SLC16A9: variants seen among roughly 807,000 people sequenced by gnomAD.
SLC16A9 encodes the protein solute carrier family 16 member 9.
Under a neutral mutation model 44.3 loss-of-function variants are expected in SLC16A9, and 26 were observed. The ratio of observed to expected loss-of-function variants is 0.59; its 90% CI spans 0.43 to 0.81. The LOEUF (loss-of-function observed/expected upper bound fraction) is 0.81. Ranked by LOEUF, SLC16A9 falls within the 40% of genes least tolerant of loss-of-function variation. SLC16A9 has a pLI of 0.00. For synonymous variants in SLC16A9, 230 were observed against 225.1 expected (o/e 1.02, Z -0.19); for missense variants, 559 against 595.8 (o/e 0.94, Z 0.64).
intron 1 of SLC16A9, among the ~76,000 whole-genome samples, chr10:59,696,944 C>G (rs1181949746): frequency 2.8e-5 from 4 of 145,022 alleles, no homozygotes; most frequent in African/African-American, 1.0e-4. Flanking sequence ...GGGGGTCAGC[C>G]CCCCGCCCGG....
At chr10:59,674,994 A>G (rs1564702640) in intron 2 of SLC16A9, among the ~76,000 whole-genome samples, 1 of 152,150 alleles carries the variant, frequency 6.6e-6, no homozygotes, top group Non-Finnish European at 1.5e-5. Context: ...ATTTTTTTTG[A>G]AGAACAATTT....
rs1260960895 is a variant in SLC16A9 at position 59,659,789 on chromosome 10, TAACA to T, written c.436+4434_436+4437del. Among the ~76,000 whole-genome samples the T allele has an allele frequency of 3.9e-5, 6 of 152,120 alleles. No homozygotes were observed. The South Asian group carries it at 8.3e-4, about 21-fold the overall frequency. Reference sequence around the variant, plus strand: ...AGCAAATGGAAAAGAACGGAAATCATAACAAACAGTCTCTCAGACCACAGTGCAA... The same window carrying T: ...AGCAAATGGAAAAGAACGGAAATCATAACAGTCTCTCAGACCACAGTGCAA... On this transcript the variant is annotated intron_variant, in intron 4 of 5. Transcript: ENST00000395348.
intron 1 of SLC16A9, among the ~76,000 whole-genome samples, chr10:59,687,353 T>C (rs369453479): frequency 1.2e-4 from 19 of 152,368 alleles, no homozygotes; most frequent in Middle Eastern, 3.4e-3. Context: ...TGGATTTCTT[T>C]TACGAAGTTA....
In SLC16A9 at chr10:59,654,090, A is replaced by G. The variant is rs1839286956; in HGVS notation, c.936T>C (p.Ala312=). The stretch of plus-strand genomic sequence containing the variant: ...ACCCTCCGATGTCAAAGAGTAAGAT[A>G]GCAATGAAAAGGGCTGAAAATACTT... ...KNKVFSALFI[A]ILLFDIGGFP... Residue 312 remains alanine, a synonymous_variant, in exon 5 of 6, where the codon GCT becomes GCC. Coordinates refer to ENST00000395348, the MANE Select transcript of SLC16A9 (RefSeq NM_194298.3). The G allele has an allele frequency of 3.7e-6, 6 of 1,614,178 alleles. No homozygotes were observed. The highest frequency in any genetic ancestry group is 5.1e-6 in the Non-Finnish European group (6 of 1,180,038).
At chr10:59,685,713 T>A (rs900066862) in intron 1 of SLC16A9, among the ~76,000 whole-genome samples, 4 of 152,244 alleles carry the variant, frequency 2.6e-5, no homozygotes, top group African/African-American at 9.6e-5. Context: ...ATCTTTTTGC[T>A]TATAGGCATA....
At chr10:59,658,426 C>A (rs1446919821) in intron 4 of SLC16A9, among the ~76,000 whole-genome samples, 2 of 152,110 alleles carry the variant, frequency 1.3e-5, no homozygotes, top group African/African-American at 4.8e-5. Flanking sequence ...GTACTATTAT[C>A]CCCAGTTTAC....
In SLC16A9 at chr10:59,651,317, A is replaced by G. The variant is rs1839193053; in HGVS notation, c.*1455T>C. The G allele has an allele frequency of 6.6e-6, 1 of 152,236 alleles. No homozygotes were observed. Among genetic ancestry groups the G allele is most frequent in the South Asian group, 2.1e-4 (1 of 4,832 alleles). 9.4% of individuals were successfully genotyped at this position (152,236 alleles called of 1,614,324 possible). Reference sequence around the variant, plus strand: ...ATAAATGAAAAGATGATTTTGGCACAATGGGAAGGGTGCCTCCTATTTAAA... The same window carrying G: ...ATAAATGAAAAGATGATTTTGGCACGATGGGAAGGGTGCCTCCTATTTAAA... On this transcript the variant is annotated 3_prime_UTR_variant, in exon 6 of 6. Transcript: ENST00000395348.
At position 59,664,322 on chromosome 10, in the gene SLC16A9, C is replaced by G; in HGVS notation, c.341G>C (p.Gly114Ala). The part of the protein sequence containing the change: ...FLFFSYGIVV[G>A]LGCGLLYTAT... ...AGTGTATAATAAACCACATCCAAGACCTAAGCATGAGAAGACATTGCATAA... is the reference window on the plus strand; with the variant it reads ...AGTGTATAATAAACCACATCCAAGAGCTAAGCATGAGAAGACATTGCATAA... Residue 114 changes from glycine to alanine, a missense_variant and splice_region_variant, in exon 4 of 6, where the codon GGT becomes GCT. Coordinates refer to ENST00000395348, the MANE Select transcript of SLC16A9 (RefSeq NM_194298.3). 2 of 1,603,744 alleles carry G rather than the reference C, an allele frequency of 1.2e-6. No individual in the cohort carries two copies. Among genetic ancestry groups the G allele is most frequent in the Non-Finnish European group, 1.7e-6 (2 of 1,173,894 alleles).
intron 1 of SLC16A9, among the ~76,000 whole-genome samples, chr10:59,705,141 G>A (rs1264277852): frequency 6.6e-6 from 1 of 151,454 alleles, no homozygotes; most frequent in East Asian, 1.9e-4. Context: ...GTTTCTTTTG[G>A]GTGGGTCATA....
At chr10:59,684,061 A>C (rs749719411) in intron 2 of SLC16A9, 35 bp downstream of exon 2, 1 of 1,543,500 alleles carries the variant, frequency 6.5e-7, no homozygotes, top group Admixed American at 1.8e-5. Context: ...TTAAATGATT[A>C]AAGAGTAAAG....
At chr10:59,672,959 C>A in intron 2 of SLC16A9, 46 bp from the exon 3 acceptor site, 1 of 1,539,848 alleles carries the variant, frequency 6.5e-7, no homozygotes, top group Non-Finnish European at 8.8e-7. Context: ...ATGATCCATC[C>A]ATCATAAGTT....
chr10:59,709,970 G>T (rs1209008734), upstream of SLC16A9: 1 of 151,708 alleles, frequency 6.6e-6, no homozygotes, highest in Non-Finnish European at 1.5e-5. Flanking sequence ...GGCCCGGCCA[G>T]GAGTAGGGAG....
chr10:59,707,336 G>GGGAAGGGAA (rs1564716913), intron 1 of SLC16A9, among the ~76,000 whole-genome samples: 1 of 111,408 alleles, frequency 9.0e-6, no homozygotes, highest in African/African-American at 3.8e-5. Context: ...AGGGAAGGGA[G>GGGAAGGGAA]GGGAAGGGAG....
intron 1 of SLC16A9, among the ~76,000 whole-genome samples, chr10:59,696,854 G>A (rs553100011): frequency 1.3e-5 from 2 of 151,408 alleles, no homozygotes; most frequent in South Asian, 2.1e-4. Context: ...GAAGCGAGGA[G>A]CCCCTCCGCC....
In SLC16A9 at chr10:59,653,991, A is replaced by G. The variant is rs1361135686; in HGVS notation, c.1035T>C (p.Leu345=). The change falls in exon 5 of 6, where the codon CTT becomes CTC. Residue 345 remains leucine (L), a synonymous_variant. Coordinates refer to ENST00000395348, the MANE Select transcript of SLC16A9 (RefSeq NM_194298.3). ...NVKEEEFIMP[L]ISIIGIMTAV... is the part of the protein sequence containing the mutation. ...CTGTCATAATGCCTATAATGGAAAT[A>G]AGTGGCATAATAAACTCTTCTTCTT... 6.2e-7 allele frequency: 1 copy of G among 1,613,924 alleles called. No individual in the cohort carries two copies. The highest frequency in any genetic ancestry group is 1.7e-5 in the Admixed American group (1 of 60,024).
At chr10:59,662,792 G>A (rs892760299) in intron 4 of SLC16A9, among the ~76,000 whole-genome samples, 8 of 152,058 alleles carry the variant, frequency 5.3e-5, no homozygotes, top group Non-Finnish European at 1.2e-4. Context: ...TCATTAAAAA[G>A]TCAGGAAACA....
chr10:59,672,136 C>G (rs1839764339), intron 3 of SLC16A9, among the ~76,000 whole-genome samples: 1 of 152,090 alleles, frequency 6.6e-6, no homozygotes, highest in South Asian at 2.1e-4. Flanking sequence ...ACACTGAACC[C>G]AATTAGTGTA....
At chr10:59,668,666 C>T (rs1232395290) in intron 3 of SLC16A9, among the ~76,000 whole-genome samples, 2 of 152,060 alleles carry the variant, frequency 1.3e-5, no homozygotes, top group Non-Finnish European at 2.9e-5. Flanking sequence ...AATTAAGAGA[C>T]ATAAAAAATG....
chr10:59,657,351 T>G (rs1416178657), intron 4 of SLC16A9, among the ~76,000 whole-genome samples: 1 of 152,170 alleles, frequency 6.6e-6, no homozygotes, highest in Non-Finnish European at 1.5e-5. Flanking sequence ...AAACCTTCAT[T>G]TCATGCCCAC....
Sources: allele counts gnomAD v4.1 joint callset (sites outside exome capture counted in the v4.1 genomes callset), GRCh38; gene constraint gnomAD v4.1.1; transcripts MANE v1.5; gene names NCBI Gene and HGNC (gene_info 2026-07-23, HGNC 2026-07-21).